The following KLHL14 variants were observed in gnomAD, a reference collection of about 807,000 sequenced individuals.
The protein encoded by KLHL14 is kelch like family member 14.
In KLHL14, 22 loss-of-function variants were observed where a neutral mutation model predicts 64.3. That is an observed-to-expected ratio of 0.34 (90% confidence interval 0.24 to 0.49). KLHL14 has a LOEUF of 0.49. Ranked by LOEUF, KLHL14 falls within the 20% of genes least tolerant of loss-of-function variation. The probability of loss-of-function intolerance (pLI) is 0.99; values close to 1 mark genes in which losing one functional copy is unlikely to be tolerated. For missense variants in KLHL14, 661 were observed against 789.0 expected (o/e 0.84, Z 1.94); for synonymous variants, 322 against 333.4 (o/e 0.97, Z 0.37).
At chr18:32,696,862 C>T (rs941657282) in intron 3 of KLHL14, among the ~76,000 whole-genome samples, 1 of 152,112 alleles carries the variant, frequency 6.6e-6, no homozygotes, top group Non-Finnish European at 1.5e-5. Flanking sequence ...ATAACACAGC[C>T]TCTGAAAGAG....
At chr18:32,766,224 C>A (rs1258466792) in intron 2 of KLHL14, among the ~76,000 whole-genome samples, 1 of 151,606 alleles carries the variant, frequency 6.6e-6, no homozygotes, top group African/African-American at 2.4e-5. Flanking sequence ...TAATTAATAT[C>A]TAATCCAATT....
intron 3 of KLHL14, among the ~76,000 whole-genome samples, chr18:32,702,208 T>C (rs904972469): frequency 6.6e-6 from 1 of 152,172 alleles, no homozygotes; most frequent in Non-Finnish European, 1.5e-5. Flanking sequence ...AGAATACATA[T>C]TTGTGAAATA....
At chr18:32,723,359 T>G (rs1238848754) in intron 3 of KLHL14, among the ~76,000 whole-genome samples, 1 of 152,208 alleles carries the variant, frequency 6.6e-6, no homozygotes, top group East Asian at 1.9e-4. Context: ...CCTTGCTCTG[T>G]TCTTCCACTC....
chr18:32,765,576 G>T (rs1369334869), intron 2 of KLHL14, among the ~76,000 whole-genome samples: 2 of 152,080 alleles, frequency 1.3e-5, no homozygotes, highest in Admixed American at 6.5e-5. Flanking sequence ...TAATCTGAGG[G>T]TATCAAATTG....
chr18:32,771,951 GT>G lies in KLHL14; in HGVS notation c.-44+715del, dbSNP rs1439880563. ...CTTCCCCGGCCCTGGAACTACTTCT[GT>G]AAAAAGTCTGAGCCGCCCGCATCTA... is the stretch of plus-strand genomic sequence containing the variant. On this transcript the variant is annotated intron_variant, in intron 1 of 8. Coordinates refer to ENST00000359358, the MANE Select transcript of KLHL14 (RefSeq NM_020805.3). 6.4e-5 allele frequency: 11 copies of G among 171,472 alleles called. No homozygotes were observed. The South Asian group carries it at 1.6e-3, about 25-fold the overall frequency. The allele number at this position is 171,472 out of a possible 1,614,324, so 10.6% of individuals were successfully genotyped here. A position where few individuals can be genotyped will look rare whatever the true frequency, so the allele number is the denominator to read the frequency against.
At chr18:32,682,106 G>T (rs1273952540) in intron 5 of KLHL14, among the ~76,000 whole-genome samples, 1 of 152,124 alleles carries the variant, frequency 6.6e-6, no homozygotes, top group Non-Finnish European at 1.5e-5. Flanking sequence ...GAAGATGTTT[G>T]CATTTAAACA....
intron 3 of KLHL14, among the ~76,000 whole-genome samples, chr18:32,715,504 G>A (rs1016651878): frequency 2.2e-5 from 3 of 139,034 alleles, no homozygotes; most frequent in African/African-American, 8.2e-5. Flanking sequence ...ATTTACCGAC[G>A]GATGATTTTT....
At chr18:32,711,568 A>C (rs1384374519) in intron 3 of KLHL14, among the ~76,000 whole-genome samples, 1 of 152,168 alleles carries the variant, frequency 6.6e-6, no homozygotes, top group Non-Finnish European at 1.5e-5. Flanking sequence ...TGCTCTATGC[A>C]GTCACTCAAC....
intron 3 of KLHL14, among the ~76,000 whole-genome samples, chr18:32,732,052 C>A (rs1568077067): frequency 6.6e-6 from 1 of 152,070 alleles, no homozygotes; most frequent in Non-Finnish European, 1.5e-5. Flanking sequence ...AAAACCCCAA[C>A]AACGCCACTA....
intron 3 of KLHL14, chr18:32,738,530 T>C (rs536287671): frequency 1.3e-5 from 2 of 152,256 alleles, no homozygotes; most frequent in South Asian, 4.1e-4. Flanking sequence ...ACACTTCACA[T>C]TTACAAAAAG....
At chr18:32,675,722 A>G (rs1368580341) in intron 8 of KLHL14, among the ~76,000 whole-genome samples, 3 of 152,186 alleles carry the variant, frequency 2.0e-5, no homozygotes, top group African/African-American at 7.2e-5. Context: ...ATAGGAAAAA[A>G]ACGAAAGACC....
At chr18:32,719,865 C>T (rs1254726556) in intron 3 of KLHL14, among the ~76,000 whole-genome samples, 1 of 152,216 alleles carries the variant, frequency 6.6e-6, no homozygotes, top group Admixed American at 6.5e-5. Flanking sequence ...GAAGGACGTG[C>T]GTAGCCAGGT....
chr18:32,761,753 A>G (rs1254853092), intron 2 of KLHL14, among the ~76,000 whole-genome samples: 3 of 152,174 alleles, frequency 2.0e-5, no homozygotes, highest in Non-Finnish European at 4.4e-5. Context: ...TCAACTCTGT[A>G]TCTCAGAACT....
At chr18:32,753,909 C>T (rs2050269140) in intron 2 of KLHL14, among the ~76,000 whole-genome samples, 1 of 152,240 alleles carries the variant, frequency 6.6e-6, no homozygotes, top group Non-Finnish European at 1.5e-5. Context: ...GCATAAATTG[C>T]AATGGAAATA....
intron 2 of KLHL14, among the ~76,000 whole-genome samples, chr18:32,767,895 A>G (rs1021225390): frequency 7.2e-5 from 11 of 152,246 alleles, no homozygotes; most frequent in Non-Finnish European, 1.3e-4. Context: ...TTTTAAAAGT[A>G]TGAGTAAATG....
intron 3 of KLHL14, among the ~76,000 whole-genome samples, chr18:32,720,470 G>T (rs2050072305): frequency 6.6e-6 from 1 of 152,066 alleles, no homozygotes; most frequent in Non-Finnish European, 1.5e-5. Flanking sequence ...GGGTTCAAAG[G>T]CAAGGTAATT....
At chr18:32,721,662 C>A (rs2050080523) in intron 3 of KLHL14, among the ~76,000 whole-genome samples, 1 of 152,168 alleles carries the variant, frequency 6.6e-6, no homozygotes, top group African/African-American at 2.4e-5. Context: ...TCCAACTCTT[C>A]TTTTTCACAT....
At chr18:32,747,558 C>G (rs1337831462) in intron 2 of KLHL14, among the ~76,000 whole-genome samples, 2 of 152,178 alleles carry the variant, frequency 1.3e-5, no homozygotes, top group Non-Finnish European at 2.9e-5. Context: ...TGCCACTAAT[C>G]TGACAGGAGG....
chr18:32,697,982 T>A (rs912035371), intron 3 of KLHL14, among the ~76,000 whole-genome samples: 3 of 152,228 alleles, frequency 2.0e-5, no homozygotes, highest in Admixed American at 1.3e-4. Flanking sequence ...ATTATTACTG[T>A]GAATTGAGAG....
Sources: allele counts gnomAD v4.1 joint callset (sites outside exome capture counted in the v4.1 genomes callset), GRCh38; gene constraint gnomAD v4.1.1; transcripts MANE v1.5; gene names NCBI Gene and HGNC (gene_info 2026-07-23, HGNC 2026-07-21).